Variants in VPS50 observed in about 807,000 individuals in gnomAD.
VPS50 encodes the protein VPS50 subunit of EARP/GARPII complex.
A neutral mutation model predicts 139.7 loss-of-function variants in VPS50; 70 were observed. The observed-to-expected ratio is 0.50, with a 90% CI of 0.41 to 0.61. The LOEUF is 0.61. VPS50 is among the 20% of genes least tolerant of loss of function. The probability of loss-of-function intolerance (pLI) is 0.00; values close to 1 mark genes in which losing one functional copy is unlikely to be tolerated. For synonymous variants in VPS50, 365 were observed against 376.7 expected, an observed-to-expected ratio of 0.97 and a Z score of 0.36; for missense variants, 921 against 1,133.7, an observed-to-expected ratio of 0.81 and a Z score of 2.69.
At chr7:93,308,105 C>T (rs1797165920) in intron 18 of VPS50, among the ~76,000 whole-genome samples, 1 of 145,556 alleles carries the variant, frequency 6.9e-6, no homozygotes, top group Non-Finnish European at 1.5e-5. Context: ...TCGTATTAAT[C>T]TATGACATTA....
chr7:93,294,171 C>T (rs561056049), intron 13 of VPS50, among the ~76,000 whole-genome samples: 26 of 152,214 alleles, frequency 1.7e-4, no homozygotes, highest in African/African-American at 3.9e-4. Flanking sequence ...CCTCTTAGCA[C>T]GCATATTAAT....
chr7:93,326,085 G>T (rs1797761418), intron 21 of VPS50, among the ~76,000 whole-genome samples: 1 of 151,960 alleles, frequency 6.6e-6, no homozygotes, highest in Non-Finnish European at 1.5e-5. Flanking sequence ...AAGAAAATGT[G>T]GCACATATAC....
At position 93,349,887 on chromosome 7, in the gene VPS50, G is replaced by T. The variant is rs191341151; in HGVS notation, c.2317G>T (p.Ala773Ser). ...AAATTTATTTCAGACAGTCTCAACC[G>T]CCAGTGAACTACGGAAACCAATTTA... is the stretch of plus-strand genomic sequence containing the variant. ...QQFYSQTVST[A>S]SELRKPIYWI... The change falls in exon 25 of 28, where the codon GCC becomes TCC. Residue 773 changes from alanine (A) to serine (S), a missense_variant. This residue lies in a region of VPS50 where 744 missense variants were observed against 930.6 expected (regional missense o/e 0.80). Coordinates refer to ENST00000305866, the MANE Select transcript of VPS50 (RefSeq NM_017667.4). The T allele has an allele frequency of 5.0e-6, 8 of 1,610,192 alleles. No individual in the cohort carries two copies. Among genetic ancestry groups the T allele is most frequent in the Admixed American group, 1.7e-5 (1 of 59,276 alleles).
chr7:93,254,020 A>T (rs1250606012), intron 4 of VPS50, 89 bp downstream of exon 4: 1 of 602,852 alleles, frequency 1.7e-6, no homozygotes, highest in East Asian at 2.8e-5. Context: ...TATGGTTTTA[A>T]CTAACAATTA....
chr7:93,253,486 T>C (rs1795397298), intron 3 of VPS50, among the ~76,000 whole-genome samples: 1 of 152,174 alleles, frequency 6.6e-6, no homozygotes, highest in Non-Finnish European at 1.5e-5. Flanking sequence ...GAGATATATC[T>C]GTGGATGGTA....
Position 93,256,545 on chromosome 7 carries a change from C to A in VPS50, c.334C>A (p.Gln112Lys), listed in dbSNP as rs746185796. 1 of 1,461,014 alleles carries A rather than the reference C, an allele frequency of 6.8e-7. No individual in the cohort carries two copies. The highest frequency in any genetic ancestry group is 1.4e-5 in the South Asian group (1 of 73,096). 90.5% of individuals were successfully genotyped at this position (1,461,014 alleles called of 1,614,324 possible). A position where few individuals can be genotyped will look rare whatever the true frequency, so the allele number is the denominator to read the frequency against. The change falls in exon 5 of 28, where the codon CAG (glutamine) becomes AAG (lysine). Residue 112 changes from glutamine to lysine, a missense_variant. Transcript: ENST00000305866. ...AGTGGCAGATTTAATCCTTGAAAAA[C>A]AGCCTGCTTATGTAAAGGTAGGATA... Reference protein sequence around the residue: ...KKVADLILEKQPAYVKELERV... With the variant: ...KKVADLILEKKPAYVKELERV...
chr7:93,304,444 CAATT>C (rs1797062350), intron 17 of VPS50, among the ~76,000 whole-genome samples: 1 of 151,396 alleles, frequency 6.6e-6, no homozygotes, highest in South Asian at 2.1e-4. Context: ...TGGAACATAG[CAATT>C]AATAAATGCT....
intron 12 of VPS50, among the ~76,000 whole-genome samples, chr7:93,276,667 G>A (rs891208502): frequency 2.6e-5 from 4 of 152,154 alleles, no homozygotes; most frequent in Non-Finnish European, 4.4e-5. Flanking sequence ...GTTTTTTCAT[G>A]TGTATGAATG....
intron 17 of VPS50, among the ~76,000 whole-genome samples, chr7:93,304,818 G>T (rs1200803268): frequency 6.6e-6 from 1 of 151,644 alleles, no homozygotes; most frequent in Non-Finnish European, 1.5e-5. Flanking sequence ...ATGTGGATTT[G>T]ATTTTCTAAA....
intron 20 of VPS50, among the ~76,000 whole-genome samples, chr7:93,313,045 T>G (rs1424800480): frequency 6.6e-6 from 1 of 152,242 alleles, no homozygotes; most frequent in African/African-American, 2.4e-5. Flanking sequence ...CCTGTTTATA[T>G]GCAGCTCTGC....
chr7:93,280,364 A>G (rs767086022), intron 12 of VPS50, among the ~76,000 whole-genome samples: 2 of 152,114 alleles, frequency 1.3e-5, no homozygotes, highest in Non-Finnish European at 2.9e-5. Flanking sequence ...TTATTTTGAA[A>G]CCCAAATAAA....
intron 17 of VPS50, among the ~76,000 whole-genome samples, chr7:93,304,501 A>G (rs1458341570): frequency 2.6e-5 from 4 of 151,874 alleles, no homozygotes; most frequent in Non-Finnish European, 4.4e-5. Flanking sequence ...TAGTATTAAC[A>G]TAAGCATTAA....
chr7:93,338,567 G>A (rs192546959), intron 22 of VPS50, among the ~76,000 whole-genome samples: 4 of 152,280 alleles, frequency 2.6e-5, no homozygotes, highest in East Asian at 3.9e-4. Flanking sequence ...GAATACAATT[G>A]TAGGGGAAGG....
intron 17 of VPS50, among the ~76,000 whole-genome samples, chr7:93,305,361 A>G (rs1375837438): frequency 6.6e-6 from 1 of 151,988 alleles, no homozygotes; most frequent in African/African-American, 2.4e-5. Flanking sequence ...TGTAGGCGTC[A>G]ATGTAACACA....
At chr7:93,329,653 T>G (rs1250261139) in intron 21 of VPS50, among the ~76,000 whole-genome samples, 1 of 152,082 alleles carries the variant, frequency 6.6e-6, no homozygotes, top group Admixed American at 6.6e-5. Context: ...TTGAAAACCA[T>G]AGTAGATGTA....
At chr7:93,256,394 C>T (rs1795483296) in intron 4 of VPS50, 115 bp from the exon 5 acceptor site, 1 of 518,712 alleles carries the variant, frequency 1.9e-6, no homozygotes, top group Non-Finnish European at 3.3e-6. Context: ...ATATCTGCTC[C>T]CAAAGTTATT....
rs1022610179 is a variant in VPS50, at chr7:93,349,766, AGT to A, written c.2305-106_2305-105del. On this transcript the variant is annotated intron_variant, in intron 24 of 27. Coordinates refer to ENST00000305866, the MANE Select transcript of VPS50 (RefSeq NM_017667.4). Reference sequence around the variant, plus strand: ...TCATAATTTAAATCTCCAAATATATAGTGTTTTATTTTCAGATATGATATATA... The same window carrying A: ...TCATAATTTAAATCTCCAAATATATAGTTTTATTTTCAGATATGATATATA... 4.0e-5 allele frequency: 29 copies of A among 726,414 alleles called. No homozygotes were observed. In the Admixed American group the frequency reaches 4.0e-4, roughly 10 times the overall value. 45.0% of individuals were successfully genotyped at this position (726,414 alleles called of 1,614,324 possible).
intron 2 of VPS50, among the ~76,000 whole-genome samples, chr7:93,251,528 G>A (rs764798106): frequency 6.9e-6 from 1 of 145,216 alleles, no homozygotes; most frequent in Non-Finnish European, 1.5e-5. Flanking sequence ...GGGGTGGGGG[G>A]CTAGGGGAGG....
chr7:93,241,594 T>C (rs1794992696), intron 2 of VPS50, among the ~76,000 whole-genome samples: 1 of 152,068 alleles, frequency 6.6e-6, no homozygotes, highest in African/African-American at 2.4e-5. Flanking sequence ...TAACAAATGA[T>C]GGAGGGTGAG....
Sources: allele counts gnomAD v4.1 joint callset (sites outside exome capture counted in the v4.1 genomes callset), GRCh38; gene constraint gnomAD v4.1.1; regional missense constraint gnomAD v4.1.1; transcripts MANE v1.5; gene names NCBI Gene and HGNC (gene_info 2026-07-23, HGNC 2026-07-21).